SKAP1: variants seen among roughly 807,000 people sequenced by gnomAD.
SKAP1 encodes the protein src kinase associated phosphoprotein 1, also known as src kinase-associated phosphoprotein 1.
SKAP1 carries 44 observed loss-of-function variants against 58.5 expected under a neutral mutation model. The ratio of observed to expected loss-of-function variants is 0.75; its 90% CI spans 0.59 to 0.97. The LOEUF (loss-of-function observed/expected upper bound fraction) is 0.97. Ranked by LOEUF, SKAP1 falls within the 50% of genes least tolerant of loss-of-function variation. SKAP1 has a pLI of 0.00. For missense variants in SKAP1, 390 were observed against 435.2 expected (o/e 0.90, Z 0.92); for synonymous variants, 127 against 149.7 (o/e 0.85, Z 1.11).
chr17:48,170,780 G>A (rs1598391931), intron 9 of SKAP1, 121 bp from the exon 10 acceptor site: 7 of 823,410 alleles, frequency 8.5e-6, no homozygotes, highest in East Asian at 5.0e-5. Flanking sequence ...AACGATTTTC[G>A]GTTCACTGCA....
At chr17:48,235,010 G>A (rs1192335846) in intron 4 of SKAP1, among the ~76,000 whole-genome samples, 2 of 152,114 alleles carry the variant, frequency 1.3e-5, no homozygotes, top group Non-Finnish European at 1.5e-5. Context: ...TAAAAGTATC[G>A]AACTAGTTCC....
intron 1 of SKAP1, among the ~76,000 whole-genome samples, chr17:48,426,117 T>C (rs977422382): frequency 2.6e-5 from 4 of 152,176 alleles, no homozygotes; most frequent in African/African-American, 4.8e-5. Flanking sequence ...TTCCCCACAG[T>C]TGGAATTTTA....
chr17:48,170,749 G>A, intron 9 of SKAP1, 90 bp from the exon 10 acceptor site: 7 of 1,177,422 alleles, frequency 5.9e-6, no homozygotes, highest in Non-Finnish European at 8.6e-6. Flanking sequence ...TTGCTCTGTT[G>A]TCTAGGCTGA....
intron 4 of SKAP1, among the ~76,000 whole-genome samples, chr17:48,251,952 A>T (rs889059485): frequency 6.6e-6 from 1 of 152,232 alleles, no homozygotes; most frequent in African/African-American, 2.4e-5. Context: ...CACCATTGCT[A>T]AATTCTAAAC....
At chr17:48,346,459 A>C (rs1453822549) in intron 3 of SKAP1, among the ~76,000 whole-genome samples, 2 of 151,956 alleles carry the variant, frequency 1.3e-5, no homozygotes, top group African/African-American at 4.8e-5. Context: ...CCCTCTCTCC[A>C]CTAAAAATAC....
Position 48,193,206 on chromosome 17 carries a change from T to C in SKAP1, c.281-3706A>G, listed in dbSNP as rs1397955648. 2.0e-5 allele frequency among the ~76,000 whole-genome samples: 3 copies of C among 152,176 alleles called. No individual in the cohort carries two copies. In the East Asian group the frequency reaches 5.8e-4, roughly 29 times the overall value. On this transcript the variant is annotated intron_variant, in intron 4 of 12. Coordinates refer to ENST00000336915, the MANE Select transcript of SKAP1 (RefSeq NM_003726.4). ...ACAGGCATGCACCACCATGCCTGAA[T>C]AGTTTTTTGTATTTTTAGTAGAGAC...
chr17:48,378,648 C>A (rs549113952), intron 2 of SKAP1, among the ~76,000 whole-genome samples: 3 of 152,062 alleles, frequency 2.0e-5, no homozygotes, highest in African/African-American at 4.8e-5. Flanking sequence ...CTTCTCCTAG[C>A]GGACCCTCCA....
In SKAP1 at chr17:48,189,493, T is replaced by A; in HGVS notation, c.288A>T (p.Glu96Asp). ...FLSDYQDEGMEDIVKGAQELD... is the reference protein window; with the variant it reads ...FLSDYQDEGMDDIVKGAQELD... ...GTTCTTGAGCTCCTTTTACGATGTC[T>A]TCCATTCCTAAAAGGACCAATGGCA... The change falls in exon 5 of 13, where the codon GAA becomes GAT. Residue 96 changes from glutamate to aspartate, a missense_variant. By Grantham distance (45) the Glu-to-Asp change is conservative. Coordinates refer to ENST00000336915, the MANE Select transcript of SKAP1 (RefSeq NM_003726.4). 6.2e-7 allele frequency: 1 copy of A among 1,611,186 alleles called. No individual in the cohort carries two copies. The highest frequency in any genetic ancestry group is 2.2e-5 in the East Asian group (1 of 44,868).
intron 4 of SKAP1, among the ~76,000 whole-genome samples, chr17:48,237,161 C>T (rs2065190755): frequency 6.6e-6 from 1 of 152,122 alleles, no homozygotes; most frequent in Non-Finnish European, 1.5e-5. Context: ...TTGTTGTGCC[C>T]TAATCATTTC....
intron 11 of SKAP1, among the ~76,000 whole-genome samples, chr17:48,142,644 A>G (rs112071360): frequency 2.6e-5 from 4 of 152,358 alleles, no homozygotes; most frequent in African/African-American, 9.6e-5. Context: ...CTTTGGAGAC[A>G]GTCTCCTCAA....
intron 4 of SKAP1, among the ~76,000 whole-genome samples, chr17:48,220,872 A>G (rs994600551): frequency 8.3e-6 from 1 of 120,152 alleles, no homozygotes; most frequent in Non-Finnish European, 1.9e-5. Flanking sequence ...AAAAAAAAAA[A>G]AAAAAGAAAA....
chr17:48,302,328 G>C (rs1173605701), intron 4 of SKAP1, among the ~76,000 whole-genome samples: 1 of 151,706 alleles, frequency 6.6e-6, no homozygotes, highest in African/African-American at 2.4e-5. Context: ...TTTTTCTGCA[G>C]AGGGTAGAAG....
intron 4 of SKAP1, among the ~76,000 whole-genome samples, chr17:48,310,697 T>C (rs577846585): frequency 1.6e-4 from 25 of 151,958 alleles, no homozygotes; most frequent in African/African-American, 5.1e-4. Flanking sequence ...CGGAAAATAA[T>C]AATTTCAATG....
At chr17:48,192,166 G>A (rs1406190679) in intron 4 of SKAP1, among the ~76,000 whole-genome samples, 4 of 141,136 alleles carry the variant, frequency 2.8e-5, no homozygotes, top group Non-Finnish European at 3.1e-5. Context: ...GGGACAGAGC[G>A]AGACTCTGCC....
intron 4 of SKAP1, among the ~76,000 whole-genome samples, chr17:48,273,871 G>A (rs1159389755): frequency 6.6e-6 from 1 of 152,046 alleles, no homozygotes; most frequent in Non-Finnish European, 1.5e-5. Flanking sequence ...ACTAAGGGTA[G>A]GCTTGAGGAA....
intron 4 of SKAP1, among the ~76,000 whole-genome samples, chr17:48,199,505 GT>G (rs1462222896): frequency 6.6e-6 from 1 of 152,124 alleles, no homozygotes; most frequent in Non-Finnish European, 1.5e-5. Context: ...TACTCCTTCA[GT>G]TCAAATGTCA....
At chr17:48,417,987 A>C (rs1309549028) in intron 1 of SKAP1, among the ~76,000 whole-genome samples, 1 of 152,064 alleles carries the variant, frequency 6.6e-6, no homozygotes, top group Non-Finnish European at 1.5e-5. Flanking sequence ...GTAAAAAAAA[A>C]CAACAACAAC....
chr17:48,301,073 C>A (rs762604151), intron 4 of SKAP1, among the ~76,000 whole-genome samples: 1 of 152,098 alleles, frequency 6.6e-6, no homozygotes, highest in Non-Finnish European at 1.5e-5. Flanking sequence ...CAGCTCAGAT[C>A]TCCCCTCTCC....
At chr17:48,265,501 A>AAAGC (rs201049578) in intron 4 of SKAP1, among the ~76,000 whole-genome samples, 19,962 of 148,260 alleles carry the variant, frequency 0.13, 1,644 homozygotes, top group Non-Finnish European at 0.19. Context: ...AAAAAAAAAA[A>AAAGC]AAGCAAGCAA....
Sources: allele counts gnomAD v4.1 joint callset (sites outside exome capture counted in the v4.1 genomes callset), GRCh38; gene constraint gnomAD v4.1.1; transcripts MANE v1.5; gene names NCBI Gene and HGNC (gene_info 2026-07-23, HGNC 2026-07-21).